Variants in TENM2 observed in about 807,000 individuals in gnomAD.
The protein encoded by TENM2 is teneurin transmembrane protein 2, also known as teneurin-2.
Under a neutral mutation model 245.2 loss-of-function variants are expected in TENM2, and 52 were observed. The ratio of observed to expected loss-of-function variants is 0.21; its 90% CI spans 0.17 to 0.27. The LOEUF (loss-of-function observed/expected upper bound fraction) is 0.27, where lower values mean the gene tolerates loss of function less well. TENM2 is among the 10% of genes least tolerant of loss of function. TENM2 has a pLI of 1.00. For missense variants in TENM2, 3,046 were observed against 3,666.8 expected (o/e 0.83, Z 4.37); for synonymous variants, 1,363 against 1,438.9 (o/e 0.95, Z 1.19).
intron 4 of TENM2, among the ~76,000 whole-genome samples, chr5:167,955,967 T>A (rs1372365688): frequency 1.3e-5 from 2 of 152,184 alleles, no homozygotes; most frequent in East Asian, 3.8e-4. Flanking sequence ...CTTTTTTGGT[T>A]CCATATTAAA....
intron 3 of TENM2, among the ~76,000 whole-genome samples, chr5:167,901,977 T>C (rs1775742016): frequency 6.6e-6 from 1 of 152,216 alleles, no homozygotes; most frequent in South Asian, 2.1e-4. Flanking sequence ...AAAGCAACGG[T>C]GTATGAGCGA....
Position 168,215,290 on chromosome 5 carries a change from A to G in TENM2, c.4078+18A>G, listed in dbSNP as rs185893815. On this transcript the variant is annotated intron_variant, in intron 21 of 28. Coordinates refer to ENST00000518659, the Ensembl canonical transcript of TENM2. ...CCCGAGAGGTAAAGGACATCAAGGAAGAGTCTCCCGCCCCAGATAAAGCTT... is the reference window on the plus strand; with the variant it reads ...CCCGAGAGGTAAAGGACATCAAGGAGGAGTCTCCCGCCCCAGATAAAGCTT... 4.5e-4 allele frequency: 727 copies of G among 1,600,648 alleles called. 3 individuals are homozygous for G. In the African/African-American group the frequency reaches 8.7e-3, roughly 19 times the overall value.
chr5:167,479,067 G>T (rs1256095527), intron 2 of TENM2, among the ~76,000 whole-genome samples: 1 of 151,892 alleles, frequency 6.6e-6, no homozygotes, highest in African/African-American at 2.4e-5. Flanking sequence ...TATCAGTTTG[G>T]AACTAAATTG....
In TENM2 at chr5:168,207,558, G is replaced by C. The variant is rs1762454658; in HGVS notation, c.3824+2937G>C. Among the ~76,000 whole-genome samples, 3 of 152,116 alleles carry C rather than the reference G, an allele frequency of 2.0e-5. No individual in the cohort carries two copies. The South Asian group carries it at 6.2e-4, about 32-fold the overall frequency. ...AAGTTAAGCTTTTATAAGAACACTG[G>C]TTTTATTCTTCTTTTCTTCCCACTA... On this transcript the variant is annotated intron_variant, in intron 19 of 28. Transcript: ENST00000518659.
At chr5:167,983,632 GA>G (rs1783012686) in intron 4 of TENM2, among the ~76,000 whole-genome samples, 1 of 152,124 alleles carries the variant, frequency 6.6e-6, no homozygotes, top group Non-Finnish European at 1.5e-5. Flanking sequence ...ATATAAAATG[GA>G]CTTTTGACTA....
At chr5:168,168,251 A>G (rs1758481412) in intron 13 of TENM2, among the ~76,000 whole-genome samples, 1 of 152,204 alleles carries the variant, frequency 6.6e-6, no homozygotes, top group African/African-American at 2.4e-5. Flanking sequence ...TTTTAAAATA[A>G]TGGTGTTCCC....
chr5:167,567,323 A>G (rs1773969158), intron 2 of TENM2, among the ~76,000 whole-genome samples: 1 of 152,180 alleles, frequency 6.6e-6, no homozygotes, highest in African/African-American at 2.4e-5. Flanking sequence ...TATGAGGGTG[A>G]AAAATCTTTC....
In TENM2 at chr5:167,504,694, C is replaced by T. The variant is rs146285628; in HGVS notation, c.502+129221C>T. ...CTTCACTGAACTTTGTTATGTCCCT[C>T]GACAGTATTGAGATTAGATCTGTCT... On this transcript the variant is annotated intron_variant, in intron 2 of 28. Transcript: ENST00000518659. Among the ~76,000 whole-genome samples the T allele has an allele frequency of 2.1e-3, 320 of 152,224 alleles. 2 individuals carry two copies. Among genetic ancestry groups the T allele is most frequent in the African/African-American group, 7.4e-3 (307 of 41,542 alleles).
At chr5:167,370,543 C>G (rs181591594) in intron 1 of TENM2, among the ~76,000 whole-genome samples, 54 of 152,174 alleles carry the variant, frequency 3.5e-4, no homozygotes, top group Admixed American at 7.2e-4. Context: ...ACTAAAATTG[C>G]TTTATGTAAA....
At chr5:167,987,456 T>C (rs963335538) in intron 4 of TENM2, among the ~76,000 whole-genome samples, 1 of 151,990 alleles carries the variant, frequency 6.6e-6, no homozygotes, top group African/African-American at 2.4e-5. Context: ...GCCTCCCAAG[T>C]AGGTGGGATT....
chr5:167,376,070 G>A (rs1364489189), intron 2 of TENM2, among the ~76,000 whole-genome samples: 1 of 152,056 alleles, frequency 6.6e-6, no homozygotes, highest in Non-Finnish European at 1.5e-5. Context: ...CCCATCTTCT[G>A]TCACAAATCA....
the TENM2 span, among the ~76,000 whole-genome samples, chr5:167,152,617 A>G: frequency 2.0e-5 from 3 of 152,310 alleles, no homozygotes; most frequent in South Asian, 2.1e-4. Context: ...CCTGGGGGAT[A>G]TATTCCAAGA....
chr5:167,783,077 A>G (rs1764306591), intron 2 of TENM2, among the ~76,000 whole-genome samples: 1 of 151,842 alleles, frequency 6.6e-6, no homozygotes, highest in East Asian at 1.9e-4. Context: ...GGGTTGCTTA[A>G]TTTTTAAAGC....
chr5:167,831,612 C>T (rs1031281058), intron 2 of TENM2, among the ~76,000 whole-genome samples: 1 of 150,452 alleles, frequency 6.6e-6, no homozygotes, highest in Admixed American at 6.7e-5. Flanking sequence ...ATTAATGAAT[C>T]TTTCTCCTTT....
intron 2 of TENM2, among the ~76,000 whole-genome samples, chr5:167,498,133 T>A (rs1019833052): frequency 7.2e-5 from 11 of 152,128 alleles, no homozygotes; most frequent in African/African-American, 2.7e-4. Flanking sequence ...GTTGTCCTAA[T>A]GAGCAGCATG....
chr5:168,041,094 C>T (rs1788146183), intron 5 of TENM2, among the ~76,000 whole-genome samples: 1 of 152,154 alleles, frequency 6.6e-6, no homozygotes, highest in Non-Finnish European at 1.5e-5. Context: ...TTGGAAACCT[C>T]AGAGGGCCGA....
intron 24 of TENM2, among the ~76,000 whole-genome samples, chr5:168,226,469 C>T (rs1411633957): frequency 6.6e-6 from 1 of 152,192 alleles, no homozygotes; most frequent in East Asian, 1.9e-4. Context: ...AGAATGTCAT[C>T]TACACCCAGC....
At chr5:168,205,891 G>A (rs1762313653) in intron 19 of TENM2, among the ~76,000 whole-genome samples, 2 of 152,300 alleles carry the variant, frequency 1.3e-5, no homozygotes, top group South Asian at 4.1e-4. Flanking sequence ...TAGGACTGCA[G>A]GAGTGGAGGC....
At chr5:167,767,183 T>C (rs1763086701) in intron 2 of TENM2, among the ~76,000 whole-genome samples, 1 of 152,322 alleles carries the variant, frequency 6.6e-6, no homozygotes, top group East Asian at 1.9e-4. Flanking sequence ...TACACAAATG[T>C]GGCATACACA....
Sources: gnomAD v4.1 joint callset for allele counts (sites outside exome capture counted in the v4.1 genomes callset) on GRCh38, gnomAD v4.1.1 for gene constraint, MANE v1.5 for transcripts, NCBI Gene and HGNC (gene_info 2026-07-23, HGNC 2026-07-21) for gene names.